Variants in DLG2 observed in about 807,000 individuals in gnomAD.
DLG2 encodes discs large MAGUK scaffold protein 2, also known as disks large homolog 2.
A neutral mutation model predicts 132.5 loss-of-function variants in DLG2; 45 were observed. The ratio of observed to expected loss-of-function variants is 0.34; its 90% CI spans 0.27 to 0.44. The LOEUF is 0.44. Ranked by LOEUF, DLG2 falls within the 20% of genes least tolerant of loss-of-function variation. The pLI, the probability that DLG2 is intolerant of heterozygous loss-of-function variation, is 1.00. For synonymous variants in DLG2, 424 were observed against 419.6 expected (o/e 1.01, Z -0.13); for missense variants, 1,045 against 1,196.9 (o/e 0.87, Z 1.87).
intron 6 of DLG2, among the ~76,000 whole-genome samples, chr11:84,710,965 T>C (rs1444031870): frequency 6.7e-6 from 1 of 148,590 alleles, no homozygotes; most frequent in African/African-American, 2.5e-5. Context: ...CACTGAAATA[T>C]ATAATGTGTT....
At chr11:84,551,022 G>A (rs948405000) in intron 6 of DLG2, among the ~76,000 whole-genome samples, 4 of 152,068 alleles carry the variant, frequency 2.6e-5, no homozygotes, top group Non-Finnish European at 5.9e-5. Context: ...TGGTGCAAAT[G>A]GGCTTGATCT....
rs1041305444 is a variant in DLG2 at position 84,249,419 on chromosome 11, T to G, written c.573+1819A>C. ...GAAGAAAGAAACACAGGTAACAGCA[T>G]GTTAGAAATTAAATAAGACTTCTAA... On this transcript the variant is annotated intron_variant, in intron 8 of 27. Transcript: ENST00000376104. Among the ~76,000 whole-genome samples, 2 of 152,336 alleles carry G rather than the reference T, an allele frequency of 1.3e-5. 1 individual carries two copies. Among genetic ancestry groups the G allele is most frequent in the South Asian group, 4.1e-4 (2 of 4,824 alleles).
intron 3 of DLG2, among the ~76,000 whole-genome samples, chr11:85,483,906 A>T (rs1225896968): frequency 6.6e-6 from 1 of 151,848 alleles, no homozygotes; most frequent in Non-Finnish European, 1.5e-5. Flanking sequence ...AAAAAAAAAA[A>T]AAGAATAATA....
chr11:85,171,156 C>G (rs1323926027), intron 4 of DLG2, among the ~76,000 whole-genome samples: 1 of 152,156 alleles, frequency 6.6e-6, no homozygotes, highest in African/African-American at 2.4e-5. Flanking sequence ...CAGTCTGCAG[C>G]TGTCACAGGG....
At chr11:83,587,965 A>ATCCCGCACCTGGC (rs2097118842) in intron 19 of DLG2, among the ~76,000 whole-genome samples, 1 of 152,190 alleles carries the variant, frequency 6.6e-6, no homozygotes, top group Non-Finnish European at 1.5e-5. Flanking sequence ...ACGAGATTAT[A>ATCCCGCACCTGGC]TCCCGCACCT....
intron 6 of DLG2, among the ~76,000 whole-genome samples, chr11:85,100,160 T>C (rs541462168): frequency 6.6e-6 from 1 of 152,162 alleles, no homozygotes; most frequent in East Asian, 1.9e-4. Context: ...TCTTACACTA[T>C]CTGAGGTAAG....
chr11:84,868,156 ATATAT>A (rs1179332586), intron 6 of DLG2, among the ~76,000 whole-genome samples: 9 of 147,224 alleles, frequency 6.1e-5, no homozygotes, highest in Admixed American at 1.4e-4. Context: ...ATATTTATTA[ATATAT>A]TATATTATTA....
Position 83,993,310 on chromosome 11 carries a change from C to G in DLG2, c.920-12668G>C, listed in dbSNP as rs377100614. 4.1e-4 allele frequency among the ~76,000 whole-genome samples: 62 copies of G among 152,198 alleles called. No homozygotes were observed. The East Asian group carries it at 9.3e-3, about 23-fold the overall frequency. ...TGGTCACATCTCATAGGTATACTTT[C>G]AAATGTCAAGCATCCTACATTAAGA... On this transcript the variant is annotated intron_variant, in intron 11 of 27. Transcript: ENST00000376104.
chr11:83,500,040 A>C (rs1171111674), intron 21 of DLG2, among the ~76,000 whole-genome samples: 2 of 151,196 alleles, frequency 1.3e-5, no homozygotes, highest in Non-Finnish European at 2.9e-5. Flanking sequence ...TTTAGCTCAC[A>C]TGTCCCCTCT....
At chr11:85,431,747 A>G (rs1424609198) in intron 3 of DLG2, among the ~76,000 whole-genome samples, 1 of 152,356 alleles carries the variant, frequency 6.6e-6, no homozygotes, top group East Asian at 1.9e-4. Context: ...GCTAGCTCTG[A>G]GGAATCTGGA....
intron 6 of DLG2, among the ~76,000 whole-genome samples, chr11:85,051,603 A>G (rs1478355923): frequency 6.6e-6 from 1 of 152,190 alleles, no homozygotes; most frequent in East Asian, 1.9e-4. Context: ...TATGTGATGA[A>G]TATTAGAAGG....
intron 18 of DLG2, chr11:83,725,414 C>G (rs1169071666): frequency 6.6e-6 from 1 of 152,598 alleles, no homozygotes; most frequent in Non-Finnish European, 1.5e-5. Flanking sequence ...TCTTCAGCTG[C>G]AGGCTGGAAT....
At chr11:84,265,904 AT>A (rs2097622162) in intron 7 of DLG2, among the ~76,000 whole-genome samples, 1 of 152,164 alleles carries the variant, frequency 6.6e-6, no homozygotes, top group Non-Finnish European at 1.5e-5. Flanking sequence ...TAATGTGTAT[AT>A]ATTTTTAAAT....
chr11:83,809,873 G>A (rs534222574), intron 17 of DLG2, among the ~76,000 whole-genome samples: 2 of 152,208 alleles, frequency 1.3e-5, no homozygotes, highest in South Asian at 2.1e-4. Flanking sequence ...GAAGACAGAT[G>A]CATGCATGCC....
chr11:83,851,704 G>A (rs1412389622), intron 16 of DLG2, among the ~76,000 whole-genome samples: 4 of 151,356 alleles, frequency 2.6e-5, no homozygotes, highest in Non-Finnish European at 2.9e-5. Context: ...GGTGGATCAC[G>A]AGGTCGGGAG....
At chr11:84,336,201 A>C (rs187007496) in intron 7 of DLG2, among the ~76,000 whole-genome samples, 5 of 152,346 alleles carry the variant, frequency 3.3e-5, no homozygotes, top group Admixed American at 6.5e-5. Context: ...AACATAAATT[A>C]GGAGATGTTA....
intron 3 of DLG2, among the ~76,000 whole-genome samples, chr11:85,286,356 A>G (rs1021761629): frequency 2.0e-5 from 3 of 152,136 alleles, no homozygotes; most frequent in African/African-American, 7.2e-5. Flanking sequence ...AGTTGGAGAC[A>G]TGTTTAGCTT....
At chr11:85,395,107 G>C (rs1596866440) in intron 3 of DLG2, among the ~76,000 whole-genome samples, 2 of 152,036 alleles carry the variant, frequency 1.3e-5, no homozygotes, top group African/African-American at 4.8e-5. Context: ...CTCTTTCTTT[G>C]TTTATCTGTT....
intron 21 of DLG2, 107 bp from the exon 22 acceptor site, chr11:83,484,335 G>A (rs572997400): frequency 2.6e-6 from 2 of 762,928 alleles, no homozygotes; most frequent in East Asian, 2.6e-5. Flanking sequence ...CTGTAGTGAC[G>A]CAAGTGGATA....
Sources: allele counts gnomAD v4.1 joint callset (sites outside exome capture counted in the v4.1 genomes callset), GRCh38; gene constraint gnomAD v4.1.1; transcripts MANE v1.5; gene names NCBI Gene and HGNC (gene_info 2026-07-23, HGNC 2026-07-21).